EXOC4: variants seen among roughly 807,000 people sequenced by gnomAD.
The protein encoded by EXOC4 is SEC8-like 1.
Under a neutral mutation model 107.2 loss-of-function variants are expected in EXOC4, and 71 were observed. That is an observed-to-expected ratio of 0.66 (90% CI 0.55 to 0.81). The LOEUF is 0.81. EXOC4 is among the 30% of genes least tolerant of loss of function. The pLI is 0.00. For synonymous variants in EXOC4, 456 were observed against 441.2 expected (o/e 1.03, Z -0.42); for missense variants, 1,108 against 1,189.6 (o/e 0.93, Z 1.01).
downstream of EXOC4, chr7:134,066,143 A>C (rs990826161): frequency 2.6e-5 from 4 of 152,360 alleles, no homozygotes; most frequent in East Asian, 7.7e-4. Flanking sequence ...CTACCCTAGA[A>C]GCAGGAGTGG....
At chr7:134,029,011 C>G (rs1321080544) in intron 17 of EXOC4, among the ~76,000 whole-genome samples, 1 of 152,178 alleles carries the variant, frequency 6.6e-6, no homozygotes, top group African/African-American at 2.4e-5. Flanking sequence ...CAGGAGGAAC[C>G]AGCCATTGTG....
rs1562984141 is a variant in EXOC4 at position 133,755,260 on chromosome 7, T to TATTATAATATGTATA, written c.1515-62063_1515-62062insTATAATATGTATAAT. ...ATATATATAATATATATATTATATA[T>TATTATAATATGTATA]ATATTATATATATTATATATATTAT... On this transcript the variant is annotated intron_variant, in intron 10 of 17. Coordinates refer to ENST00000253861, the MANE Select transcript of EXOC4 (RefSeq NM_021807.4). Among the ~76,000 whole-genome samples the TATTATAATATGTATA allele has an allele frequency of 5.5e-5, 5 of 91,108 alleles. No individual in the cohort carries two copies. In the South Asian group the frequency reaches 1.5e-3, roughly 27 times the overall value. 59.8% of individuals were successfully genotyped at this position (91,108 alleles called of 152,430 possible).
At chr7:133,782,522 A>AACTC (rs939983502) in intron 10 of EXOC4, among the ~76,000 whole-genome samples, 1 of 152,152 alleles carries the variant, frequency 6.6e-6, no homozygotes, top group Non-Finnish European at 1.5e-5. Flanking sequence ...GAACAGATGA[A>AACTC]ACTCAGATCA....
intron 10 of EXOC4, among the ~76,000 whole-genome samples, chr7:133,631,604 A>G (rs1802592705): frequency 6.6e-6 from 1 of 152,106 alleles, no homozygotes; most frequent in South Asian, 2.1e-4. Context: ...GATTTGTAGC[A>G]GGTAAATTCA....
Position 133,430,519 on chromosome 7 carries a change from T to A in EXOC4, c.1183-44809T>A, listed in dbSNP as rs556548981. Among the ~76,000 whole-genome samples, 133 of 152,290 alleles carry A rather than the reference T, an allele frequency of 8.7e-4. 2 individuals carry two copies. Among genetic ancestry groups the A allele is most frequent in the South Asian group, 4.1e-4 (2 of 4,828 alleles). On this transcript the variant is annotated intron_variant, in intron 7 of 17. Coordinates refer to ENST00000253861, the MANE Select transcript of EXOC4 (RefSeq NM_021807.4). ...ACATTTTGTTTATCCATTCATCAGTTGGTGGACATCTGGGTTGATTCCATA... is the reference window on the plus strand; with the variant it reads ...ACATTTTGTTTATCCATTCATCAGTAGGTGGACATCTGGGTTGATTCCATA...
At chr7:133,705,884 C>T (rs969484467) in intron 10 of EXOC4, among the ~76,000 whole-genome samples, 3 of 152,040 alleles carry the variant, frequency 2.0e-5, no homozygotes, top group Non-Finnish European at 4.4e-5. Flanking sequence ...TGAAATTTTT[C>T]GTTTTATATT....
chr7:133,317,525 G>C, intron 5 of EXOC4, 135 bp downstream of exon 5: 1 of 626,224 alleles, frequency 1.6e-6, no homozygotes, highest in Non-Finnish European at 2.8e-6. Context: ...GTTGGAACCT[G>C]TGATGAGCCC....
intron 14 of EXOC4, among the ~76,000 whole-genome samples, chr7:133,951,048 G>A (rs1444640901): frequency 6.6e-6 from 1 of 152,198 alleles, no homozygotes; most frequent in East Asian, 1.9e-4. Flanking sequence ...AGCGGAGCAT[G>A]GGTCACTGAC....
intron 9 of EXOC4, among the ~76,000 whole-genome samples, chr7:133,581,626 T>C (rs966506253): frequency 9.3e-5 from 14 of 150,540 alleles, no homozygotes; most frequent in African/African-American, 3.2e-4. Context: ...GGCGTGGTGG[T>C]GGGCGCCTGT....
At chr7:133,426,808 C>T (rs1216673553) in intron 7 of EXOC4, among the ~76,000 whole-genome samples, 1 of 152,238 alleles carries the variant, frequency 6.6e-6, no homozygotes, top group African/African-American at 2.4e-5. Flanking sequence ...GTTCAGTTGA[C>T]TTCCTGTTGA....
intron 9 of EXOC4, among the ~76,000 whole-genome samples, chr7:133,515,322 CAA>C (rs1445405434): frequency 7.3e-6 from 1 of 137,876 alleles, no homozygotes; most frequent in African/African-American, 2.6e-5. Flanking sequence ...ATCAGTAGCC[CAA>C]GTGTGCATAC....
chr7:134,064,412 A>G lies in EXOC4; in HGVS notation c.2809A>G (p.Thr937Ala), dbSNP rs749697208. The part of the protein sequence containing the change: ...HALTLLHRSQ[T>A]GVGELTTQNT... ...TCTGACCCTGCTGCACCGCAGCCAGACTGGGGTGGGGGAACTGACCACCCA... is the reference window on the plus strand; with the variant it reads ...TCTGACCCTGCTGCACCGCAGCCAGGCTGGGGTGGGGGAACTGACCACCCA... The change falls in exon 18 of 18, where the codon ACT becomes GCT. Residue 937 changes from threonine (T) to alanine (A), a missense_variant. Coordinates refer to ENST00000253861, the MANE Select transcript of EXOC4 (RefSeq NM_021807.4). 2 of 1,607,142 alleles carry G rather than the reference A, an allele frequency of 1.2e-6. No individual in the cohort carries two copies. The highest frequency in any genetic ancestry group is 1.7e-5 in the Admixed American group (1 of 59,236).
chr7:133,608,542 A>ATTTCTTT (rs1802002670), intron 9 of EXOC4, among the ~76,000 whole-genome samples: 1 of 107,774 alleles, frequency 9.3e-6, no homozygotes. Flanking sequence ...AATATGCTGT[A>ATTTCTTT]TTTCTTTTTT....
chr7:133,642,421 A>G (rs919837603), intron 10 of EXOC4, among the ~76,000 whole-genome samples: 2 of 152,056 alleles, frequency 1.3e-5, no homozygotes, highest in African/African-American at 4.8e-5. Context: ...TCTGATCTTC[A>G]TCCTATTTCC....
At chr7:133,755,304 A>G (rs1441049332) in intron 10 of EXOC4, among the ~76,000 whole-genome samples, 1 of 116,948 alleles carries the variant, frequency 8.6e-6, no homozygotes, top group African/African-American at 3.5e-5. Context: ...TATATATATT[A>G]TATATATATT....
At chr7:133,997,355 G>A in intron 14 of EXOC4, 137 bp from the exon 15 acceptor site, 1 of 807,822 alleles carries the variant, frequency 1.2e-6, no homozygotes, top group Non-Finnish European at 2.0e-6. Flanking sequence ...TGTCTATCAT[G>A]TCTTGGACTT....
In EXOC4 at chr7:134,064,547, G is replaced by C; in HGVS notation, c.*19G>C. The C allele has an allele frequency of 6.6e-7, 1 of 1,516,222 alleles. No individual in the cohort carries two copies. Among genetic ancestry groups the C allele is most frequent in the Non-Finnish European group, 8.9e-7 (1 of 1,118,576 alleles). 93.9% of individuals were successfully genotyped at this position (1,516,222 alleles called of 1,614,324 possible). ...CGTTTAGCAGGGCGTACTGCGGTTG[G>C]TGACGGGGGTCCCCTCAGTCACACT... On this transcript the variant is annotated 3_prime_UTR_variant, in exon 18 of 18. Transcript: ENST00000253861.
intron 10 of EXOC4, among the ~76,000 whole-genome samples, chr7:133,690,332 T>C (rs922051338): frequency 3.3e-5 from 5 of 152,246 alleles, no homozygotes; most frequent in Non-Finnish European, 7.3e-5. Context: ...AGCAAAACTT[T>C]GTAAAAGCCC....
chr7:133,588,890 GTGTGTGTATATA>G (rs907583937), intron 9 of EXOC4, among the ~76,000 whole-genome samples: 1 of 151,776 alleles, frequency 6.6e-6, no homozygotes, highest in African/African-American at 2.4e-5. Context: ...AAAAGTGTGT[GTGTGTGTATATA>G]TGTATGTGTA....
Sources: allele counts gnomAD v4.1 joint callset (sites outside exome capture counted in the v4.1 genomes callset), GRCh38; gene constraint gnomAD v4.1.1; transcripts MANE v1.5; gene names NCBI Gene and HGNC (gene_info 2026-07-23, HGNC 2026-07-21).